Variants in ASPM observed in about 807,000 individuals in gnomAD.
The protein encoded by ASPM is abnormal spindle-like microcephaly-associated protein.
In ASPM, 256 loss-of-function variants were observed where a neutral mutation model predicts 366.4. The ratio of observed to expected loss-of-function variants is 0.70; its 90% CI spans 0.63 to 0.77. The LOEUF (loss-of-function observed/expected upper bound fraction) is 0.77. Among genes scored for constraint, ASPM ranks in the 30% least tolerant of loss-of-function variants. The pLI, the probability that ASPM is intolerant of heterozygous loss-of-function variation, is 0.00. For synonymous variants in ASPM, 1,414 were observed against 1,342.9 expected (o/e 1.05, Z -1.16); for missense variants, 4,146 against 4,090.4 (o/e 1.01, Z -0.37).
Position 197,103,135 on chromosome 1 carries a change from C to G in ASPM, c.6116G>C (p.Arg2039Thr). Residue 2039 changes from arginine to threonine, a missense_variant, in exon 18 of 28, where the codon AGA becomes ACA. Physicochemically the swap from Arg to Thr is moderately conservative, Grantham distance 71. Transcript: ENST00000367409. ...TGCTGCTTTGTTGCAATCCTTTATT[C>G]TTTTTCTCACTTTCATACCACGATA... ...SAYRGMKVRKRIKDCNKAAVT... is the reference protein window; with the variant it reads ...SAYRGMKVRKTIKDCNKAAVT... 5 of 1,612,670 alleles carry G rather than the reference C, an allele frequency of 3.1e-6. No individual in the cohort carries two copies. The highest frequency in any genetic ancestry group is 4.2e-6 in the Non-Finnish European group (5 of 1,179,300).
intron 18 of ASPM, among the ~76,000 whole-genome samples, chr1:197,098,435 T>C (rs565139345): frequency 6.6e-6 from 1 of 151,584 alleles, no homozygotes; most frequent in Non-Finnish European, 1.5e-5. Context: ...AAAAATTATA[T>C]GTGTAAAATA....
chr1:197,141,104 A>C (rs547624566), intron 3 of ASPM, among the ~76,000 whole-genome samples: 2 of 152,222 alleles, frequency 1.3e-5, no homozygotes, highest in South Asian at 2.1e-4. Flanking sequence ...AGCAAACTAC[A>C]TCCATTCCCC....
Position 197,146,124 on chromosome 1 carries a change from C to G in ASPM, c.297+17G>C. ...AAGCAGAACACCGGCCTGGAGCACG[C>G]TCCTCCTGAGACCTACCTGCAACAC... On this transcript the variant is annotated intron_variant, in intron 1 of 27. Coordinates refer to ENST00000367409, the MANE Select transcript of ASPM (RefSeq NM_018136.5). 6.2e-7 allele frequency: 1 copy of G among 1,613,952 alleles called. No individual in the cohort carries two copies. Among genetic ancestry groups the G allele is most frequent in the Non-Finnish European group, 8.5e-7 (1 of 1,179,942 alleles).
At position 197,102,563 on chromosome 1, in the gene ASPM, TTC is replaced by T. The variant is rs1557946331; in HGVS notation, c.6686_6687del (p.Arg2229LysfsTer8). The T allele has an allele frequency of 6.2e-7, 1 of 1,612,228 alleles. No homozygotes were observed. The highest frequency in any genetic ancestry group is 1.7e-5 in the Admixed American group (1 of 59,754). The stretch of plus-strand genomic sequence containing the variant: ...TTGTTATACCTTTGAAATTGTATGT[TTC>T]TTTCTTTCATTGCCCAGTATCTTTG... ...VQQRYWAMKE[R>X]NIQFQRYNKL... On this transcript the variant is annotated frameshift_variant, in exon 18 of 28. Coordinates refer to ENST00000367409, the MANE Select transcript of ASPM (RefSeq NM_018136.5). LOFTEE classifies it high-confidence loss of function.
intron 27 of ASPM, among the ~76,000 whole-genome samples, chr1:197,085,443 C>T (rs189189953): frequency 6.6e-6 from 1 of 152,194 alleles, no homozygotes; most frequent in African/African-American, 2.4e-5. Context: ...CATGCATCTT[C>T]TCACATAATT....
Position 197,090,314 on chromosome 1 carries a change from T to A in ASPM, c.9711A>T (p.Gln3237His). ...CTTCTCGAATCTCCCTATTAACAAC[T>A]TGAAGACTTAGTCGTATAGCTTTAA... ...TKIKAIRLSLQVVNREIREEN... is the reference protein window; with the variant it reads ...TKIKAIRLSLHVVNREIREEN... Residue 3237 changes from glutamine (Q) to histidine (H), a missense_variant, in exon 24 of 28, where the codon CAA becomes CAT. Around this residue, in one of 3 missense-constraint regions of ASPM, gnomAD observed 3,624 missense variants for 3,591.7 expected, o/e 1.01. Transcript: ENST00000367409. 1.2e-6 allele frequency: 2 copies of A among 1,613,022 alleles called. No homozygotes were observed. The highest frequency in any genetic ancestry group is 2.2e-5 in the South Asian group (2 of 91,044).
rs758456167 is a variant in ASPM, at chr1:197,084,296, C to T, written c.*28G>A. 3 of 1,501,308 alleles carry T rather than the reference C, an allele frequency of 2.0e-6. No homozygotes were observed. The highest frequency in any genetic ancestry group is 4.5e-5 in the East Asian group (2 of 44,156). The allele number at this position is 1,501,308 out of a possible 1,614,324, so 93.0% of individuals were successfully genotyped here. A position where few individuals can be genotyped will look rare whatever the true frequency, so the allele number is the denominator to read the frequency against. On this transcript the variant is annotated 3_prime_UTR_variant, in exon 28 of 28. Coordinates refer to ENST00000367409, the MANE Select transcript of ASPM (RefSeq NM_018136.5). ...TGATTGGCTTTAATATTTCTTTACA[C>T]TATACATACTGAAAATGTTTACATT...
intron 3 of ASPM, 78 bp from the exon 4 acceptor site, chr1:197,139,949 G>T: frequency 9.9e-7 from 1 of 1,007,070 alleles, no homozygotes; most frequent in Non-Finnish European, 1.5e-6. Context: ...GAAAGTTAAA[G>T]TTTGGGTTCT....
chr1:197,130,026 C>T lies in ASPM; in HGVS notation c.2518G>A (p.Asp840Asn). 3 of 1,613,864 alleles carry T rather than the reference C, an allele frequency of 1.9e-6. No individual in the cohort carries two copies. The highest frequency in any genetic ancestry group is 2.5e-6 in the Non-Finnish European group (3 of 1,179,864). Residue 840 changes from aspartate (D) to asparagine (N), a missense_variant, in exon 8 of 28, where the codon GAT becomes AAT. Coordinates refer to ENST00000367409, the MANE Select transcript of ASPM (RefSeq NM_018136.5). The stretch of plus-strand genomic sequence containing the variant: ...GCCAACCCTGTGACATCACTGTTAT[C>T]TTCCAAAGATATGAGTTCTCCATAA... ...TTYGELISLE[D>N]NSDVTGLAMF...
chr1:197,128,403 G>C, intron 10 of ASPM, 87 bp downstream of exon 10: 1 of 1,359,924 alleles, frequency 7.4e-7, no homozygotes. Flanking sequence ...ACTTGAAAGA[G>C]CAAGATTGAA....
chr1:197,094,025 T>G (rs1478934429), intron 20 of ASPM, 59 bp downstream of exon 20: 1 of 1,112,374 alleles, frequency 9.0e-7, no homozygotes, highest in Admixed American at 2.5e-5. Flanking sequence ...TACAAAACAT[T>G]CTTTGTTTTC....
At chr1:197,138,803 G>A in intron 4 of ASPM, 1 of 750,854 alleles carries the variant, frequency 1.3e-6, no homozygotes, top group Non-Finnish European at 2.4e-6. Flanking sequence ...AGTCTGCAGT[G>A]CCTCAGAAGC....
In ASPM at chr1:197,137,046, CAG is replaced by C. The variant is rs371932347; in HGVS notation, c.2027-1806_2027-1805del. 9.1e-4 allele frequency among the ~76,000 whole-genome samples: 138 copies of C among 152,066 alleles called. 1 individual carries two copies. The East Asian group carries it at 0.02, about 22-fold the overall frequency. The stretch of plus-strand genomic sequence containing the variant: ...CTAAAAAGTCTATTCTCAAATGCAG[CAG>C]AGTGATAATTTTTATAAGGTAGATA... On this transcript the variant is annotated intron_variant, in intron 4 of 27. Coordinates refer to ENST00000367409, the MANE Select transcript of ASPM (RefSeq NM_018136.5).
chr1:197,125,225 A>T (rs556400991), intron 10 of ASPM, 34 bp from the exon 11 acceptor site: 2 of 1,609,840 alleles, frequency 1.2e-6, no homozygotes, highest in South Asian at 2.2e-5. Flanking sequence ...TGAAATTATC[A>T]TAAAAACGTA....
At chr1:197,092,280 A>T (rs1656810672) in intron 21 of ASPM, among the ~76,000 whole-genome samples, 1 of 151,936 alleles carries the variant, frequency 6.6e-6, no homozygotes, top group South Asian at 2.1e-4. Context: ...AAGCAAAATT[A>T]TATTTTGGGT....
In ASPM at chr1:197,142,346, G is replaced by C; in HGVS notation, c.1906C>G (p.Leu636Val). The change falls in exon 3 of 28, where the codon CTG becomes GTG. Residue 636 changes from leucine to valine, a missense_variant. This residue lies in a region of ASPM where 3,624 missense variants were observed against 3,591.7 expected (regional missense o/e 1.01). Coordinates refer to ENST00000367409, the MANE Select transcript of ASPM (RefSeq NM_018136.5). Reference sequence around the variant, plus strand: ...CAAGACTCACCAGTTTTCTTCTTCAGGTTTAATTTCTCTCTGTTGCTAATA... The same window carrying C: ...CAAGACTCACCAGTTTTCTTCTTCACGTTTAATTTCTCTCTGTTGCTAATA... ...KRISNREKLN[L>V]KKKTDLSIFR... 1 of 1,613,662 alleles carries C rather than the reference G, an allele frequency of 6.2e-7. No homozygotes were observed. The highest frequency in any genetic ancestry group is 8.5e-7 in the Non-Finnish European group (1 of 1,179,712).
chr1:197,119,213 C>T (rs889655499), intron 16 of ASPM, among the ~76,000 whole-genome samples: 3 of 152,076 alleles, frequency 2.0e-5, no homozygotes, highest in African/African-American at 4.8e-5. Flanking sequence ...ATTCCAAAAT[C>T]GGGCTAGGGG....
In ASPM at chr1:197,146,136, C is replaced by T; in HGVS notation, c.297+5G>A. On this transcript the variant is annotated splice_donor_5th_base_variant and intron_variant, in intron 1 of 27. Transcript: ENST00000367409. ...GGCCTGGAGCACGCTCCTCCTGAGA[C>T]CTACCTGCAACACGAAACAGCGCTG... 1 of 1,614,010 alleles carries T rather than the reference C, an allele frequency of 6.2e-7. No individual in the cohort carries two copies.
In ASPM at chr1:197,102,639, T is replaced by C. The variant is rs765721983; in HGVS notation, c.6612A>G (p.Arg2204=). ...TLIQSNYRRY[R]QQTYFNKLKK... ...TTAACTTATTAAAGTATGTTTGCTGTCTGTATCTTCTGTAGTTTGACTGAA... is the reference window on the plus strand; with the variant it reads ...TTAACTTATTAAAGTATGTTTGCTGCCTGTATCTTCTGTAGTTTGACTGAA... The change falls in exon 18 of 28, where the codon AGA becomes AGG. Residue 2204 remains arginine (R), a synonymous_variant. Transcript: ENST00000367409. The C allele has an allele frequency of 1.5e-5, 24 of 1,612,762 alleles. No homozygotes were observed. The highest frequency in any genetic ancestry group is 2.0e-5 in the Non-Finnish European group (24 of 1,179,314).
Sources: gnomAD v4.1 joint callset for allele counts (sites outside exome capture counted in the v4.1 genomes callset) on GRCh38, gnomAD v4.1.1 for gene constraint, gnomAD v4.1.1 regional missense constraint, MANE v1.5 for transcripts, NCBI Gene and HGNC (gene_info 2026-07-23, HGNC 2026-07-21) for gene names.